SARS2: variants seen among roughly 807,000 people sequenced by gnomAD.
SARS2 encodes the protein seryl-tRNA synthetase 2, mitochondrial, also known as serine--tRNA ligase, mitochondrial.
In SARS2, 52 loss-of-function variants were observed where a neutral mutation model predicts 66.8. The observed-to-expected ratio is 0.78, with a 90% CI of 0.62 to 0.98. The LOEUF (loss-of-function observed/expected upper bound fraction) is 0.98. Ranked by LOEUF, SARS2 falls within the 50% of genes least tolerant of loss-of-function variation. SARS2 has a pLI of 0.00. For missense variants in SARS2, 673 were observed against 706.3 expected (o/e 0.95, Z 0.53); for synonymous variants, 306 against 281.4 (o/e 1.09, Z -0.87).
intron 12 of SARS2, among the ~76,000 whole-genome samples, chr19:38,916,965 T>A (rs1390034524): frequency 6.7e-6 from 1 of 149,254 alleles, no homozygotes; most frequent in Non-Finnish European, 1.5e-5. Flanking sequence ...GCCTGGCCTT[T>A]ATTTTTTTTT....
Position 38,918,133 on chromosome 19 carries a change from A to AAGT in SARS2, c.920_922dup (p.Tyr307dup). ...CCTGAAGGCCACGGTGTGGTCCATG[A>AAGT]AGTAGCCTGGGAGGAGAGACCACAG... On this transcript the variant is annotated inframe_insertion, in exon 10 of 16. Transcript: ENST00000221431. 6.3e-7 allele frequency: 1 copy of AAGT among 1,598,128 alleles called. No individual in the cohort carries two copies. Among genetic ancestry groups the AAGT allele is most frequent in the Non-Finnish European group, 8.5e-7 (1 of 1,172,706 alleles).
rs774442901 is a variant in SARS2, at chr19:38,918,843, G to A, written c.760-30C>T. The A allele has an allele frequency of 6.4e-6, 10 of 1,553,284 alleles. No individual in the cohort carries two copies. The East Asian group carries it at 2.4e-4, about 37-fold the overall frequency. On this transcript the variant is annotated intron_variant, in intron 7 of 15. Transcript: ENST00000221431. ...TCAGGGGAGAGGATGAGTGAGCAGA[G>A]CTGGGACCCCTACCAGACCCCAAGC...
At position 38,916,034 on chromosome 19, in the gene SARS2, C is replaced by T; in HGVS notation, c.1347+3G>A. ...CGCGGGCAGGAGGCTGTGCGGGCCT[C>T]ACCGTGTGGGCAAACTGCAGCTCCC... On this transcript the variant is annotated splice_donor_region_variant and intron_variant, in intron 14 of 15. Coordinates refer to ENST00000221431, the MANE Select transcript of SARS2 (RefSeq NM_017827.4). 6.2e-7 allele frequency: 1 copy of T among 1,613,442 alleles called. No individual in the cohort carries two copies. Among genetic ancestry groups the T allele is most frequent in the South Asian group, 1.1e-5 (1 of 91,066 alleles).
intron 1 of SARS2, among the ~76,000 whole-genome samples, chr19:38,928,714 T>G (rs79081055): frequency 0.013 from 1,988 of 152,310 alleles, 28 homozygotes; most frequent in Non-Finnish European, 0.021. Context: ...TGGGATACTC[T>G]TCTTCCCTCT....
At position 38,930,648 on chromosome 19, in the gene SARS2, G is replaced by A; in HGVS notation, c.89C>T (p.Pro30Leu). 6.2e-7 allele frequency: 1 copy of A among 1,614,124 alleles called. No homozygotes were observed. The change falls in exon 1 of 16, where the codon CCA becomes CTA. Residue 30 changes from proline (P) to leucine (L), a missense_variant. Transcript: ENST00000221431. ...TTTCTCTGTAGTGAAACTTCTCCTTGGACTATCGTTGGAGATGCAGCCTCC... is the reference window on the plus strand; with the variant it reads ...TTTCTCTGTAGTGAAACTTCTCCTTAGACTATCGTTGGAGATGCAGCCTCC... Reference protein sequence around the residue: ...PRGGCISNDSPRRSFTTEKRN... With the variant: ...PRGGCISNDSLRRSFTTEKRN...
chr19:38,926,685 C>G (rs889174385), intron 1 of SARS2, among the ~76,000 whole-genome samples: 5 of 152,190 alleles, frequency 3.3e-5, no homozygotes, highest in African/African-American at 1.2e-4. Flanking sequence ...ACCCAGGAGG[C>G]TGAGGCACGA....
chr19:38,922,479 C>T (rs553158835), intron 2 of SARS2, among the ~76,000 whole-genome samples: 20 of 152,300 alleles, frequency 1.3e-4, no homozygotes, highest in Admixed American at 1.3e-3. Context: ...GCCGCAGATC[C>T]GTATAGGAAG....
intron 1 of SARS2, among the ~76,000 whole-genome samples, chr19:38,927,489 C>T (rs1044315218): frequency 2.6e-5 from 4 of 151,346 alleles, no homozygotes; most frequent in African/African-American, 4.9e-5. Context: ...GTGCTTGAGC[C>T]TGGAAGTCTC....
chr19:38,922,171 C>A, intron 3 of SARS2, 67 bp downstream of exon 3: 3 of 1,600,150 alleles, frequency 1.9e-6, no homozygotes, highest in South Asian at 1.1e-5. Context: ...ATAGTAGAAT[C>A]GTGACTGGCA....
chr19:38,923,942 CT>C (rs1974585351), intron 2 of SARS2, among the ~76,000 whole-genome samples: 2 of 150,566 alleles, frequency 1.3e-5, no homozygotes, highest in Non-Finnish European at 2.9e-5. Context: ...CCACTGCAGT[CT>C]GGCCTAGGTG....
At chr19:38,918,716 G>C in intron 8 of SARS2, 50 bp downstream of exon 8, 1 of 1,547,560 alleles carries the variant, frequency 6.5e-7, no homozygotes, top group Non-Finnish European at 8.7e-7. Flanking sequence ...GGCACCCACG[G>C]CAGGGCCTGA....
At position 38,930,744 on chromosome 19, in the gene SARS2, C is replaced by G; in HGVS notation, c.-8G>C. On this transcript the variant is annotated 5_prime_UTR_variant, in exon 1 of 16. Coordinates refer to ENST00000221431, the MANE Select transcript of SARS2 (RefSeq NM_017827.4). ...CGCCATGGACGCAGCCATCTTGGACCGGGAACAAGGCGGCACTTCGTCCCG... is the reference window on the plus strand; with the variant it reads ...CGCCATGGACGCAGCCATCTTGGACGGGGAACAAGGCGGCACTTCGTCCCG... The G allele has an allele frequency of 6.2e-7, 1 of 1,612,602 alleles. No homozygotes were observed. The highest frequency in any genetic ancestry group is 1.1e-5 in the South Asian group (1 of 91,034).
chr19:38,930,571 G>C lies in SARS2; in HGVS notation c.166C>G (p.Pro56Ala), dbSNP rs753609951. Residue 56 changes from proline to alanine, a missense_variant, in exon 1 of 16, where the codon CCT becomes GCT. Coordinates refer to ENST00000221431, the MANE Select transcript of SARS2 (RefSeq NM_017827.4). ...EYAREGYSAL[P>A]QLDIERFCAC... ...CAGAACCGCTCTATGTCCAGCTGAG[G>C]GAGTGCGCTGTAGCCCTCGCGCGCA... The C allele has an allele frequency of 1.9e-6, 3 of 1,613,880 alleles. No individual in the cohort carries two copies. Among genetic ancestry groups the C allele is most frequent in the Admixed American group, 3.3e-5 (2 of 60,010 alleles).
intron 7 of SARS2, 72 bp downstream of exon 7, chr19:38,919,690 A>G: frequency 8.8e-7 from 1 of 1,139,258 alleles, no homozygotes; most frequent in Non-Finnish European, 1.3e-6. Flanking sequence ...GATCACTCCC[A>G]TCCCCGTTGG....
In SARS2 at chr19:38,921,517, C is replaced by T. The variant is rs531462148; in HGVS notation, c.534+10G>A. 1.4e-5 allele frequency: 23 copies of T among 1,614,028 alleles called. No individual in the cohort carries two copies. The highest frequency in any genetic ancestry group is 1.9e-5 in the Non-Finnish European group (23 of 1,180,002). Reference sequence around the variant, plus strand: ...CCCCTGGCCTCCCTGCCACCCAGCACGGTGCTCACCACGTCTGGGTGGGTC... The same window carrying T: ...CCCCTGGCCTCCCTGCCACCCAGCATGGTGCTCACCACGTCTGGGTGGGTC... On this transcript the variant is annotated intron_variant, in intron 4 of 15. Transcript: ENST00000221431.
In SARS2 at chr19:38,918,509, T is replaced by C. The variant is rs936857441; in HGVS notation, c.829A>G (p.Asn277Asp). Residue 277 changes from asparagine to aspartate, a missense_variant, in exon 9 of 16, where the codon AAT (asparagine) becomes GAT (aspartate). Physicochemically the swap from Asn to Asp is conservative, Grantham distance 23. Coordinates refer to ENST00000221431, the MANE Select transcript of SARS2 (RefSeq NM_017827.4). ...AVFEGCGMTP[N>D]ANPSQIYNID... ...TTGTAAATTTGGGATGGGTTGGCAT[T>C]TGGTGTCATCCCACAGCCTTCCTGG... 10 of 1,613,946 alleles carry C rather than the reference T, an allele frequency of 6.2e-6. No individual in the cohort carries two copies. In the African/African-American group the frequency reaches 9.3e-5, roughly 15 times the overall value.
chr19:38,917,700 T>G, intron 12 of SARS2, 24 bp downstream of exon 12: 16 of 1,003,462 alleles, frequency 1.6e-5, no homozygotes, highest in East Asian at 2.7e-5. Context: ...CTGCCATCCC[T>G]GGATCCCTGG....
chr19:38,926,341 A>C, intron 1 of SARS2, 41 bp from the exon 2 acceptor site: 2 of 1,577,166 alleles, frequency 1.3e-6, no homozygotes, highest in African/African-American at 1.3e-5. Flanking sequence ...AGCAGCCATC[A>C]CCCCTACCCT....
chr19:38,927,242 C>CA (rs1974643530), intron 1 of SARS2, among the ~76,000 whole-genome samples: 1 of 151,878 alleles, frequency 6.6e-6, no homozygotes, highest in South Asian at 2.1e-4. Flanking sequence ...CCGGTCTCTA[C>CA]AAAAAAACTT....
Sources: gnomAD v4.1 joint callset for allele counts (sites outside exome capture counted in the v4.1 genomes callset) on GRCh38, gnomAD v4.1.1 for gene constraint, MANE v1.5 for transcripts, NCBI Gene and HGNC (gene_info 2026-07-23, HGNC 2026-07-21) for gene names.